The following CFAP251 variants were observed in gnomAD, a reference collection of about 807,000 sequenced individuals.
The protein encoded by CFAP251 is cilia and flagella associated protein 251.
CFAP251 carries 93 observed loss-of-function variants against 126.7 expected under a neutral mutation model. That is an observed-to-expected ratio of 0.73 (90% CI 0.62 to 0.87). CFAP251 has a LOEUF of 0.87. Among genes scored for constraint, CFAP251 ranks in the 40% least tolerant of loss-of-function variants. CFAP251 has a pLI of 0.00. For synonymous variants in CFAP251, 503 were observed against 506.9 expected (o/e 0.99, Z 0.10); for missense variants, 1,287 against 1,389.2 (o/e 0.93, Z 1.17).
intron 5 of CFAP251, among the ~76,000 whole-genome samples, chr12:121,935,924 T>G (rs1200759222): frequency 1.3e-5 from 2 of 152,200 alleles, no homozygotes; most frequent in African/African-American, 4.8e-5. Context: ...CGGTATTGCC[T>G]TTCTTCCTAA....
chr12:121,936,599 G>A (rs1379369244), intron 5 of CFAP251, among the ~76,000 whole-genome samples: 1 of 152,190 alleles, frequency 6.6e-6, no homozygotes, highest in Non-Finnish European at 1.5e-5. Flanking sequence ...CAGCCGTCAA[G>A]CAGGAGGCAG....
chr12:121,975,778 C>A, intron 19 of CFAP251, 93 bp downstream of exon 19: 1 of 1,384,984 alleles, frequency 7.2e-7, no homozygotes, highest in African/African-American at 1.5e-5. Context: ...GCAAAAATTG[C>A]ACATTTTTCT....
chr12:121,955,978 C>T (rs942689740), intron 10 of CFAP251: 5 of 152,086 alleles, frequency 3.3e-5, no homozygotes, highest in Admixed American at 2.6e-4. Flanking sequence ...CCAATTAGCC[C>T]ACCTGCCTTG....
At chr12:122,003,048 T>G (rs1275478630) in intron 21 of CFAP251, among the ~76,000 whole-genome samples, 1 of 152,222 alleles carries the variant, frequency 6.6e-6, no homozygotes, top group African/African-American at 2.4e-5. Flanking sequence ...TATATATTTC[T>G]GCTGTGTTCC....
Position 121,959,066 on chromosome 12 carries a change from C to T in CFAP251, c.2105C>T (p.Ser702Phe). The T allele has an allele frequency of 6.2e-7, 1 of 1,606,494 alleles. No homozygotes were observed. Among genetic ancestry groups the T allele is most frequent in the Non-Finnish European group, 8.5e-7 (1 of 1,177,986 alleles). ...SRTSVTHISFSHDSQYMATAD... is the reference protein window; with the variant it reads ...SRTSVTHISFFHDSQYMATAD... ...ACCAGTGTGACTCATATAAGCTTTT[C>T]CCATGACTCCCAGTATATGGCAACT... The change falls in exon 13 of 22, where the codon TCC (serine) becomes TTC (phenylalanine). Residue 702 changes from serine (S) to phenylalanine (F), a missense_variant. Transcript: ENST00000288912.
chr12:121,978,971 C>G lies in CFAP251; in HGVS notation c.3006+3286C>G, dbSNP rs141603868. ...TACTTTCCATAAATGTAGCATTTTA[C>G]GTGCCCATCTTCAGGAATCCACAAG... On this transcript the variant is annotated intron_variant, in intron 19 of 21. Coordinates refer to ENST00000288912, the MANE Select transcript of CFAP251 (RefSeq NM_144668.6). Among the ~76,000 whole-genome samples, 10 of 152,286 alleles carry G rather than the reference C, an allele frequency of 6.6e-5. No individual in the cohort carries two copies. The East Asian group carries it at 1.9e-3, about 29-fold the overall frequency.
Position 121,949,007 on chromosome 12 carries a change from A to C in CFAP251, c.1215A>C (p.Thr405=), listed in dbSNP as rs1398324127. 6.3e-7 allele frequency: 1 copy of C among 1,585,318 alleles called. No homozygotes were observed. Among genetic ancestry groups the C allele is most frequent in the South Asian group, 1.2e-5 (1 of 85,586 alleles). The change falls in exon 8 of 22, where the codon ACA becomes ACC. Residue 405 remains threonine, a synonymous_variant. Coordinates refer to ENST00000288912, the MANE Select transcript of CFAP251 (RefSeq NM_144668.6). ...GVQNYVTFNP[T]NNKELVSNSK... is the part of the protein sequence containing the mutation. ...AGAACTACGTTACTTTTAACCCAAC[A>C]AATAATAAAGAATTGGTGAGCAATA...
At position 121,923,801 on chromosome 12, in the gene CFAP251, C is replaced by G. The variant is rs375756651; in HGVS notation, c.558C>G (p.Thr186=). 6.2e-7 allele frequency: 1 copy of G among 1,614,002 alleles called. No homozygotes were observed. The highest frequency in any genetic ancestry group is 1.1e-5 in the South Asian group (1 of 91,074). ...CCTCAGGAGAGCTTGAGGAGAAAAC[C>G]GACCGGATGCCCCAAGATGAACTGG... ...RQPSGELEEK[T]DRMPQDELGQ... The change falls in exon 3 of 22, where the codon ACC becomes ACG. Residue 186 remains threonine (T), a synonymous_variant. Coordinates refer to ENST00000288912, the MANE Select transcript of CFAP251 (RefSeq NM_144668.6).
intron 8 of CFAP251, chr12:121,950,484 T>C (rs1229361802): frequency 6.6e-6 from 1 of 152,202 alleles, no homozygotes; most frequent in Non-Finnish European, 1.5e-5. Context: ...AATAAAAAAT[T>C]GTAGAACAAA....
At chr12:121,952,932 A>G (rs1242998409) in intron 9 of CFAP251, 1 of 152,152 alleles carries the variant, frequency 6.6e-6, no homozygotes. Context: ...ATACTTAACT[A>G]TTGCTCTTAA....
chr12:121,930,190 T>C, intron 3 of CFAP251, among the ~76,000 whole-genome samples: 1 of 152,154 alleles, frequency 6.6e-6, no homozygotes, highest in Non-Finnish European at 1.5e-5. Flanking sequence ...TATTCTTAAT[T>C]TTTAAAAAAT....
At chr12:121,967,968 A>C (rs1311123410) in intron 16 of CFAP251, 38 bp from the exon 17 acceptor site, 1 of 1,570,440 alleles carries the variant, frequency 6.4e-7, no homozygotes, top group Non-Finnish European at 8.7e-7. Flanking sequence ...GGGCCCAGCT[A>C]CCTGAGTCTG....
chr12:121,966,146 TCC>T (rs1565916159), intron 15 of CFAP251, among the ~76,000 whole-genome samples: 1 of 40,224 alleles, frequency 2.5e-5, no homozygotes, highest in Non-Finnish European at 5.8e-5. Context: ...ACTCTTCCCT[TCC>T]CTCCCCTCCC....
At position 121,974,295 on chromosome 12, in the gene CFAP251, T is replaced by G. The variant is rs1380902218; in HGVS notation, c.2772-949T>G. Reference sequence around the variant, plus strand: ...GAAACCGTAAGTCCAATAAACCTCTTTCTTTTGTAAATTGCCCAGTCTCGG... The same window carrying G: ...GAAACCGTAAGTCCAATAAACCTCTGTCTTTTGTAAATTGCCCAGTCTCGG... On this transcript the variant is annotated intron_variant, in intron 17 of 21. Coordinates refer to ENST00000288912, the MANE Select transcript of CFAP251 (RefSeq NM_144668.6). The surrounding 1 kb of genome is among the most constrained non-coding windows in gnomAD (Gnocchi z 4.6). Among the ~76,000 whole-genome samples, 1 of 152,198 alleles carries G rather than the reference T, an allele frequency of 6.6e-6. No individual in the cohort carries two copies. Among genetic ancestry groups the G allele is most frequent in the African/African-American group, 2.4e-5 (1 of 41,448 alleles).
At chr12:121,978,741 T>C (rs1414949657) in intron 19 of CFAP251, among the ~76,000 whole-genome samples, 3 of 152,168 alleles carry the variant, frequency 2.0e-5, no homozygotes, top group Non-Finnish European at 2.9e-5. Context: ...GGCAACATGC[T>C]TTTAAAGGCT....
chr12:121,945,638 C>T (rs150534128), intron 7 of CFAP251, among the ~76,000 whole-genome samples: 2,605 of 146,662 alleles, frequency 0.018, 31 homozygotes, highest in Non-Finnish European at 0.032. Context: ...CCACCGTGCC[C>T]GGCCAGAGTG....
chr12:121,938,746 G>A (rs1203837081), intron 5 of CFAP251, among the ~76,000 whole-genome samples: 1 of 151,070 alleles, frequency 6.6e-6, no homozygotes, highest in Non-Finnish European at 1.5e-5. Context: ...ACTTTGGGAG[G>A]CCGAGGCGGG....
chr12:121,938,313 G>C (rs1880971376), intron 5 of CFAP251, among the ~76,000 whole-genome samples: 1 of 151,344 alleles, frequency 6.6e-6, no homozygotes, highest in African/African-American at 2.4e-5. Context: ...AGCCTCATCT[G>C]TTGTTGTTGT....
intron 5 of CFAP251, among the ~76,000 whole-genome samples, 162 bp from the exon 6 acceptor site, chr12:121,942,372 G>T (rs1346771141): frequency 6.6e-6 from 1 of 152,168 alleles, no homozygotes; most frequent in Non-Finnish European, 1.5e-5. Context: ...GCATGCATCA[G>T]TGCTTCATTC....
Sources: allele counts gnomAD v4.1 joint callset (sites outside exome capture counted in the v4.1 genomes callset), GRCh38; gene constraint gnomAD v4.1.1; non-coding constraint Gnocchi (gnomAD v3.1); transcripts MANE v1.5; gene names NCBI Gene and HGNC (gene_info 2026-07-23, HGNC 2026-07-21).